The following CATSPERB variants were observed in gnomAD, a reference collection of about 807,000 sequenced individuals.
CATSPERB encodes catsper channel auxiliary subunit beta.
A neutral mutation model predicts 128.3 loss-of-function variants in CATSPERB; 93 were observed. The observed-to-expected ratio is 0.72, with a 90% CI of 0.61 to 0.86. The LOEUF (loss-of-function observed/expected upper bound fraction) is 0.86, where lower values mean the gene tolerates loss of function less well. CATSPERB is among the 40% of genes least tolerant of loss of function. The pLI is 0.00. For synonymous variants in CATSPERB, 381 were observed against 448.8 expected, an observed-to-expected ratio of 0.85 and a Z score of 1.91; for missense variants, 1,153 against 1,329.5, an observed-to-expected ratio of 0.87 and a Z score of 2.06.
chr14:91,708,261 A>C, intron 5 of CATSPERB, 25 bp from the exon 6 acceptor site: 1 of 1,425,968 alleles, frequency 7.0e-7, no homozygotes, highest in East Asian at 2.3e-5. Flanking sequence ...AAGGCAAATA[A>C]TCAACTATTT....
At chr14:91,647,385 AAAGTCT>A (rs1323532832) in intron 15 of CATSPERB, among the ~76,000 whole-genome samples, 1 of 152,148 alleles carries the variant, frequency 6.6e-6, no homozygotes, top group Non-Finnish European at 1.5e-5. Context: ...CACCAAATTC[AAAGTCT>A]AAGTTTGCAG....
chr14:91,669,769 G>A (rs1236792854), intron 14 of CATSPERB, 45 bp downstream of exon 14: 1 of 1,554,914 alleles, frequency 6.4e-7, no homozygotes, highest in Non-Finnish European at 8.7e-7. Context: ...TACAGTAGGT[G>A]GATGATTTAA....
chr14:91,588,474 G>C (rs1044648199), intron 24 of CATSPERB, among the ~76,000 whole-genome samples: 13 of 152,020 alleles, frequency 8.6e-5, no homozygotes, highest in Non-Finnish European at 1.8e-4. Context: ...GTCATCTCAG[G>C]ACCTCCTTAG....
chr14:91,685,004 C>G (rs1309500950), intron 10 of CATSPERB, among the ~76,000 whole-genome samples: 1 of 151,934 alleles, frequency 6.6e-6, no homozygotes, highest in Non-Finnish European at 1.5e-5. Context: ...GTAGCTCACT[C>G]CAGCCTCAAA....
intron 22 of CATSPERB, among the ~76,000 whole-genome samples, chr14:91,602,213 GTA>G (rs1379002627): frequency 1.3e-5 from 2 of 152,126 alleles, no homozygotes; most frequent in Non-Finnish European, 2.9e-5. Flanking sequence ...TTCCCTGTGT[GTA>G]TGTTTTCCAT....
intron 22 of CATSPERB, chr14:91,603,082 A>G (rs1893634937): frequency 1.3e-6 from 1 of 786,432 alleles, no homozygotes; most frequent in Non-Finnish European, 2.4e-6. Flanking sequence ...CTGCTTTTTT[A>G]CATTTATTTC....
In CATSPERB at chr14:91,723,081, A is replaced by G. The variant is rs147068286; in HGVS notation, c.277T>C (p.Tyr93His). 2.0e-6 allele frequency: 3 copies of G among 1,532,952 alleles called. No homozygotes were observed. Among genetic ancestry groups the G allele is most frequent in the African/African-American group, 1.4e-5 (1 of 71,874 alleles). 95.0% of individuals were successfully genotyped at this position (1,532,952 alleles called of 1,614,324 possible). The change falls in exon 4 of 27, where the codon TAT becomes CAT. Residue 93 changes from tyrosine to histidine, a missense_variant. Coordinates refer to ENST00000256343, the MANE Select transcript of CATSPERB (RefSeq NM_024764.4). ...APSLGIMNSTYNGIFHFNLTL... is the reference protein window; with the variant it reads ...APSLGIMNSTHNGIFHFNLTL... Reference sequence around the variant, plus strand: ...AAATTAAAGTGGAAGATGCCATTATATGTACTATTCATGATTCCCAAGCTG... The same window carrying G: ...AAATTAAAGTGGAAGATGCCATTATGTGTACTATTCATGATTCCCAAGCTG...
chr14:91,584,098 T>G (rs887096874), intron 26 of CATSPERB, among the ~76,000 whole-genome samples: 1 of 151,924 alleles, frequency 6.6e-6, no homozygotes, highest in African/African-American at 2.4e-5. Context: ...AGAGTCTCAC[T>G]CTGTCGCCCA....
At chr14:91,722,897 G>T in intron 4 of CATSPERB, 152 bp downstream of exon 4, 1 of 477,606 alleles carries the variant, frequency 2.1e-6, no homozygotes, top group Non-Finnish European at 3.4e-6. Flanking sequence ...ATATATGACT[G>T]TTTAAAGCAA....
intron 22 of CATSPERB, chr14:91,603,433 T>A: frequency 1.3e-6 from 2 of 1,579,322 alleles, no homozygotes; most frequent in South Asian, 2.2e-5. Flanking sequence ...TTCCCAGCCA[T>A]CAGAACTAGT....
intron 14 of CATSPERB, among the ~76,000 whole-genome samples, chr14:91,668,543 C>T (rs1318447516): frequency 6.6e-6 from 1 of 152,156 alleles, no homozygotes. Flanking sequence ...CCCGAGCCAG[C>T]AACGGCAAGC....
At chr14:91,581,213 A>G in intron 26 of CATSPERB, 106 bp from the exon 27 acceptor site, 1 of 839,126 alleles carries the variant, frequency 1.2e-6, no homozygotes, top group Non-Finnish European at 1.9e-6. Context: ...CGCTGCCCAG[A>G]GTTACAAAGA....
At chr14:91,658,587 T>TGATG (rs1287588466) in intron 15 of CATSPERB, among the ~76,000 whole-genome samples, 2 of 150,122 alleles carry the variant, frequency 1.3e-5, no homozygotes, top group Admixed American at 1.3e-4. Context: ...CTTGATGTGA[T>TGATG]GGATACCCCA....
chr14:91,703,352 T>C (rs567627042), intron 7 of CATSPERB, among the ~76,000 whole-genome samples: 106 of 152,132 alleles, frequency 7.0e-4, no homozygotes, highest in Admixed American at 2.8e-3. Context: ...CATGATGGAG[T>C]GCTAGGAACA....
At chr14:91,597,680 C>A (rs961521800) in intron 22 of CATSPERB, among the ~76,000 whole-genome samples, 2 of 152,070 alleles carry the variant, frequency 1.3e-5, no homozygotes, top group South Asian at 2.1e-4. Context: ...AGTCCCCGGG[C>A]CTTGAGGAGT....
chr14:91,686,641 T>C (rs1180362923), intron 10 of CATSPERB, among the ~76,000 whole-genome samples: 1 of 152,234 alleles, frequency 6.6e-6, no homozygotes, highest in African/African-American at 2.4e-5. Context: ...TTTAGTTTAA[T>C]AGGACTTATT....
At chr14:91,695,082 C>T (rs2139847528) in intron 7 of CATSPERB, among the ~76,000 whole-genome samples, 1 of 150,680 alleles carries the variant, frequency 6.6e-6, no homozygotes, top group South Asian at 2.1e-4. Context: ...TAAAGACAAA[C>T]TTTGCCTTTC....
intron 22 of CATSPERB, chr14:91,604,295 C>T: frequency 1.4e-6 from 1 of 708,218 alleles, no homozygotes; most frequent in Non-Finnish European, 2.5e-6. Context: ...GAAACCAGAA[C>T]ATGTGGTTTC....
chr14:91,605,294 T>G (rs1893679348), intron 22 of CATSPERB: 1 of 949,620 alleles, frequency 1.1e-6, no homozygotes, highest in African/African-American at 1.6e-5. Flanking sequence ...AGGCAGGCTT[T>G]GTGAACAAGC....
Sources: allele counts gnomAD v4.1 joint callset (sites outside exome capture counted in the v4.1 genomes callset), GRCh38; gene constraint gnomAD v4.1.1; transcripts MANE v1.5; gene names NCBI Gene and HGNC (gene_info 2026-07-23, HGNC 2026-07-21).